KANK3: variants seen among roughly 807,000 people sequenced by gnomAD.
The protein encoded by KANK3 is KN motif and ankyrin repeat domain-containing protein 3.
Under a neutral mutation model 65.4 loss-of-function variants are expected in KANK3, and 61 were observed. The ratio of observed to expected loss-of-function variants is 0.93; its 90% CI spans 0.76 to 1.15. KANK3 has a LOEUF of 1.15. Among genes scored for constraint, KANK3 ranks in the 50% most tolerant of loss-of-function variants. The pLI is 0.00. For missense variants in KANK3, 1,187 were observed against 1,178.8 expected (o/e 1.01, Z -0.10); for synonymous variants, 586 against 543.3 (o/e 1.08, Z -1.09).
chr19:8,339,609 C>T (rs1970696269), intron 1 of KANK3, among the ~76,000 whole-genome samples: 2 of 152,088 alleles, frequency 1.3e-5, no homozygotes, highest in East Asian at 3.9e-4. Context: ...ATCCACCCAC[C>T]TCGGCATCCC....
rs767812564 is a variant in KANK3, at chr19:8,334,518, T to G, written c.1309A>C (p.Arg437=). 6 of 1,604,122 alleles carry G rather than the reference T, an allele frequency of 3.7e-6. No individual in the cohort carries two copies. The highest frequency in any genetic ancestry group is 5.1e-6 in the Non-Finnish European group (6 of 1,179,570). Reference sequence around the variant, plus strand: ...GACTCACCCGCGGGCGCCACGGCCCTGTCTCCGTCCATGGATCCGGGCGAG... The same window carrying G: ...GACTCACCCGCGGGCGCCACGGCCCGGTCTCCGTCCATGGATCCGGGCGAG... ...ESSPGSMDGD[R]AVAPAGILKS... The change falls in exon 3 of 11, where the codon AGG becomes CGG. Residue 437 remains arginine, a synonymous_variant. Transcript: ENST00000330915.
intron 7 of KANK3, among the ~76,000 whole-genome samples, chr19:8,328,401 A>ACACACACC (rs1377555073): frequency 1.6e-5 from 1 of 63,754 alleles, no homozygotes; most frequent in Non-Finnish European, 3.5e-5. Context: ...ACACACACAC[A>ACACACACC]CACACACACA....
chr19:8,333,928 T>A lies in KANK3; in HGVS notation c.1616A>T (p.Gln539Leu). The A allele has an allele frequency of 6.3e-7, 1 of 1,578,668 alleles. No individual in the cohort carries two copies. The highest frequency in any genetic ancestry group is 1.8e-5 in the Admixed American group (1 of 56,970). ...DPEPEAEAEP[Q>L]QVAQGRCELS... ...CGCTCACCTCCCCTGTGCCACCTGC[T>A]GAGGCTCTGCCTCCGCCTCGGGCTC... The change falls in exon 5 of 11, where the codon CAG becomes CTG. Residue 539 changes from glutamine (Q) to leucine (L), a missense_variant. Coordinates refer to ENST00000330915, the MANE Select transcript of KANK3 (RefSeq NM_198471.3). The surrounding 1 kb of genome is among the most constrained non-coding windows in gnomAD (Gnocchi z 5.0).
intron 2 of KANK3, 22 bp from the exon 3 acceptor site, chr19:8,335,814 G>A: frequency 8.2e-7 from 1 of 1,226,312 alleles, no homozygotes; most frequent in East Asian, 3.2e-5. Flanking sequence ...ACGGGGGCAC[G>A]GGGAGGGCGC....
At chr19:8,324,851 G>C in intron 8 of KANK3, 21 bp from the exon 9 acceptor site, 1 of 1,605,688 alleles carries the variant, frequency 6.2e-7, no homozygotes, top group Non-Finnish European at 8.5e-7. Flanking sequence ...GGGAGGAAGA[G>C]GGAACAGGCT....
At position 8,337,869 on chromosome 19, in the gene KANK3, T is replaced by A. The variant is rs1216535310; in HGVS notation, c.-28-13A>T. ...TGTCAGAGGCACCCTGCAAAAGGGG[T>A]GAAGGTGGGGCTGGGCGCTGTCCCT... On this transcript the variant is annotated splice_polypyrimidine_tract_variant and intron_variant, in intron 1 of 10. Coordinates refer to ENST00000330915, the MANE Select transcript of KANK3 (RefSeq NM_198471.3). 6.2e-7 allele frequency: 1 copy of A among 1,612,892 alleles called. No homozygotes were observed. Among genetic ancestry groups the A allele is most frequent in the South Asian group, 1.1e-5 (1 of 91,070 alleles).
At chr19:8,343,091 C>A (rs1283644699) in intron 1 of KANK3, 134 bp downstream of exon 1, 1 of 152,300 alleles carries the variant, frequency 6.6e-6, no homozygotes, top group Admixed American at 6.5e-5. Flanking sequence ...CCAGAGGACA[C>A]GACGCCCGCC....
In KANK3 at chr19:8,341,860, CTA is replaced by C. The variant is rs1439293218; in HGVS notation, c.-29+1363_-29+1364del. Among the ~76,000 whole-genome samples, 64 of 152,320 alleles carry C rather than the reference CTA, an allele frequency of 4.2e-4. 1 individual carries two copies. The highest frequency in any genetic ancestry group is 1.2e-4 in the Non-Finnish European group (8 of 68,028). On this transcript the variant is annotated intron_variant, in intron 1 of 10. Transcript: ENST00000330915. ...TTTCCTATGATCATTGTCCCTTCCC[CTA>C]TTGTACAGATGGAGAAACTGAGACA...
intron 7 of KANK3, among the ~76,000 whole-genome samples, chr19:8,331,208 C>T (rs997350814): frequency 8.8e-6 from 1 of 114,176 alleles, no homozygotes; most frequent in East Asian, 2.4e-4. Context: ...ACAACAACAA[C>T]AAAAAAGGGG....
At chr19:8,325,934 C>G (rs1364130433) in intron 7 of KANK3, among the ~76,000 whole-genome samples, 3 of 151,684 alleles carry the variant, frequency 2.0e-5, no homozygotes, top group Admixed American at 6.6e-5. Context: ...TTAAGCGATT[C>G]TTCTGCCTTG....
At chr19:8,338,618 GT>G (rs1473120884) in intron 1 of KANK3, among the ~76,000 whole-genome samples, 1 of 152,004 alleles carries the variant, frequency 6.6e-6, no homozygotes, top group African/African-American at 2.4e-5. Flanking sequence ...GCTCACGCCT[GT>G]AATCCCAGCA....
At chr19:8,325,398 G>A (rs926183452) in intron 7 of KANK3, among the ~76,000 whole-genome samples, 1 of 145,490 alleles carries the variant, frequency 6.9e-6, no homozygotes, top group Non-Finnish European at 1.5e-5. Context: ...TCCACCTCCG[G>A]AGTAGCTGGA....
intron 7 of KANK3, among the ~76,000 whole-genome samples, chr19:8,331,315 C>T (rs1191409540): frequency 6.6e-6 from 1 of 152,158 alleles, no homozygotes; most frequent in Non-Finnish European, 1.5e-5. Context: ...CAGCCCCAGC[C>T]CCCTTTAAGG....
intron 7 of KANK3, among the ~76,000 whole-genome samples, chr19:8,330,595 G>A (rs1208239093): frequency 2.0e-5 from 3 of 152,222 alleles, no homozygotes; most frequent in Admixed American, 6.5e-5. Context: ...GGGTGTGGTG[G>A]TGCATGCCTA....
chr19:8,334,003 GA>G lies in KANK3; in HGVS notation c.1540del (p.Ser514ProfsTer35). 6.4e-7 allele frequency: 1 copy of G among 1,554,616 alleles called. No individual in the cohort carries two copies. The highest frequency in any genetic ancestry group is 1.2e-5 in the South Asian group (1 of 85,602). ...SGSGDDSGGG[S>X]DSGTPGPPSG... ...GGGAGGGCCAGGGGTGCCCGAGTCGGATCCCCCGCCGCTGTCATCCCCGGAG... is the reference window on the plus strand; with the variant it reads ...GGGAGGGCCAGGGGTGCCCGAGTCGGTCCCCCGCCGCTGTCATCCCCGGAG... On this transcript the variant is annotated frameshift_variant, in exon 5 of 11. Coordinates refer to ENST00000330915, the MANE Select transcript of KANK3 (RefSeq NM_198471.3). LOFTEE classifies it high-confidence loss of function.
chr19:8,338,869 G>A (rs1248717548), intron 1 of KANK3, among the ~76,000 whole-genome samples: 4 of 84,486 alleles, frequency 4.7e-5, no homozygotes, highest in Admixed American at 1.9e-4. Context: ...GCGAGATTCC[G>A]TCTCAAAAAA....
chr19:8,334,044 C>T lies in KANK3; in HGVS notation c.1500G>A (p.Pro500=), dbSNP rs1433768714. 1.0e-5 allele frequency: 16 copies of T among 1,542,166 alleles called. No individual in the cohort carries two copies. The Admixed American group carries it at 2.1e-4, about 20-fold the overall frequency. The change falls in exon 5 of 11, where the codon CCG becomes CCA. Residue 500 remains proline (P), a synonymous_variant. Coordinates refer to ENST00000330915, the MANE Select transcript of KANK3 (RefSeq NM_198471.3). ...CATCCCCGGAGCCCGAGGAGCTACCCGGGGGCTCGGCGCCACCGTTCTCGC... is the reference window on the plus strand; with the variant it reads ...CATCCCCGGAGCCCGAGGAGCTACCTGGGGGCTCGGCGCCACCGTTCTCGC... ...GDSENGGAEP[P]GSSSGSGDDS...
Position 8,333,987 on chromosome 19 carries a change from A to G in KANK3, c.1557T>C (p.Pro519=), listed in dbSNP as rs757533268. The G allele has an allele frequency of 1.3e-6, 2 of 1,564,178 alleles. No homozygotes were observed. The highest frequency in any genetic ancestry group is 1.2e-5 in the South Asian group (1 of 86,264). ...GGATGTCCCCGCCGCTGGGAGGGCCAGGGGTGCCCGAGTCGGATCCCCCGC... is the reference window on the plus strand; with the variant it reads ...GGATGTCCCCGCCGCTGGGAGGGCCGGGGGTGCCCGAGTCGGATCCCCCGC... ...DSGGGSDSGT[P]GPPSGGDIRD... Residue 519 remains proline, a synonymous_variant, in exon 5 of 11, where the codon CCT becomes CCC. Coordinates refer to ENST00000330915, the MANE Select transcript of KANK3 (RefSeq NM_198471.3). The surrounding 1 kb of genome is among the most constrained non-coding windows in gnomAD (Gnocchi z 5.0).
Position 8,334,070 on chromosome 19 carries a change from TG to T in KANK3, c.1473del (p.Asp491GlufsTer58). Reference protein sequence around the residue: ...SSEDASDSDGDSENGGAEPPG... With the variant: ...SSEDASDSDGXSENGGAEPPG... ...GGGGGCTCGGCGCCACCGTTCTCGC[TG>T]TCGCCATCGCTGTCGCTGGCGTCCT... On this transcript the variant is annotated frameshift_variant, in exon 5 of 11. Transcript: ENST00000330915. LOFTEE classifies it high-confidence loss of function. 1.3e-6 allele frequency: 1 copy of T among 761,064 alleles called. No homozygotes were observed. The highest frequency in any genetic ancestry group is 3.9e-5 in the African/African-American group (1 of 25,730). 47.1% of individuals were successfully genotyped at this position (761,064 alleles called of 1,614,324 possible).
Sources: gnomAD v4.1 joint callset for allele counts (sites outside exome capture counted in the v4.1 genomes callset) on GRCh38, gnomAD v4.1.1 for gene constraint, Gnocchi (gnomAD v3.1) non-coding constraint, MANE v1.5 for transcripts, NCBI Gene and HGNC (gene_info 2026-07-23, HGNC 2026-07-21) for gene names.